The following MOCOS variants were observed in gnomAD, a reference collection of about 807,000 sequenced individuals.
MOCOS encodes molybdenum cofactor sulfurase.
A neutral mutation model predicts 83.6 loss-of-function variants in MOCOS; 86 were observed. That is an observed-to-expected ratio of 1.03 (90% CI 0.86 to 1.23). The LOEUF is 1.23. MOCOS is among the 50% of genes most tolerant of loss of function. The probability of loss-of-function intolerance (pLI) is 0.00; values close to 1 mark genes in which losing one functional copy is unlikely to be tolerated. For missense variants in MOCOS, 1,120 were observed against 1,126.9 expected (o/e 0.99, Z 0.09); for synonymous variants, 445 against 434.7 (o/e 1.02, Z -0.29).
intron 9 of MOCOS, among the ~76,000 whole-genome samples, chr18:36,237,321 T>G (rs2144938997): frequency 6.6e-6 from 1 of 151,854 alleles, no homozygotes; most frequent in Non-Finnish European, 1.5e-5. Context: ...ATACCTAATT[T>G]ATTGAGAGTT....
rs369578900 is a variant in MOCOS, at chr18:36,215,905, G to A, written c.1725G>A (p.Leu575=). 43 of 1,613,796 alleles carry A rather than the reference G, an allele frequency of 2.7e-5. No homozygotes were observed. Among genetic ancestry groups the A allele is most frequent in the Non-Finnish European group, 3.1e-5 (37 of 1,179,822 alleles). ...CTTCAGAGAAAGCTGCAGGAGTCCT[G>A]GAGGGGGCCCTTGGGCCACATGTTG... ...PTPSEKAAGV[L]EGALGPHVVT... The change falls in exon 8 of 15, where the codon CTG becomes CTA. Residue 575 remains leucine, a synonymous_variant. Coordinates refer to ENST00000261326, the MANE Select transcript of MOCOS (RefSeq NM_017947.4).
At chr18:36,189,551 G>A (rs1296820470) in intron 1 of MOCOS, among the ~76,000 whole-genome samples, 3 of 152,208 alleles carry the variant, frequency 2.0e-5, no homozygotes, top group Admixed American at 2.0e-4. Context: ...CTGGTTAAGT[G>A]GTGGCTCAGA....
intron 9 of MOCOS, among the ~76,000 whole-genome samples, chr18:36,244,185 A>T (rs575683232): frequency 3.9e-4 from 56 of 143,698 alleles, no homozygotes; most frequent in Non-Finnish European, 7.4e-4. Context: ...TTTTTTCTTT[A>T]TTCTCTAGTT....
intron 1 of MOCOS, among the ~76,000 whole-genome samples, chr18:36,191,020 C>CAAAAAAAAAAAA (rs113481286): frequency 3.7e-5 from 3 of 81,410 alleles, no homozygotes; most frequent in African/African-American, 8.1e-5. Context: ...CCCTATCTCT[C>CAAAAAAAAAAAA]AAAAAAAAAA....
Position 36,257,469 on chromosome 18 carries a change from C to T in MOCOS, c.2270+396C>T, listed in dbSNP as rs1023227105. 5.3e-5 allele frequency among the ~76,000 whole-genome samples: 8 copies of T among 152,022 alleles called. No individual in the cohort carries two copies. The East Asian group carries it at 1.3e-3, about 26-fold the overall frequency. On this transcript the variant is annotated intron_variant, in intron 12 of 14. Coordinates refer to ENST00000261326, the MANE Select transcript of MOCOS (RefSeq NM_017947.4). ...CTACTTCACACAGTCATTTTAAAGG[C>T]TAAAAAAGAGTGGTTATGAAAGCTT... is the stretch of plus-strand genomic sequence containing the variant.
intron 13 of MOCOS, among the ~76,000 whole-genome samples, chr18:36,266,002 T>C (rs1041889734): frequency 1.3e-5 from 2 of 152,218 alleles, no homozygotes; most frequent in African/African-American, 4.8e-5. Context: ...AGGATAAATC[T>C]TTGTCCATGA....
intron 11 of MOCOS, among the ~76,000 whole-genome samples, chr18:36,256,447 T>C (rs1432308128): frequency 6.6e-6 from 1 of 152,180 alleles, no homozygotes; most frequent in Admixed American, 6.5e-5. Context: ...ATTTTATTTT[T>C]TTAATTTTCT....
rs1406988058 is a variant in MOCOS, at chr18:36,199,576, T to C, written c.300-107T>C. On this transcript the variant is annotated intron_variant, in intron 3 of 14. Transcript: ENST00000261326. ...ATTTCGCAGCTGTGGCAAACCTATC[T>C]ATCCATTAAGGTAGAGATGTCATAG... 3 of 1,559,120 alleles carry C rather than the reference T, an allele frequency of 1.9e-6. No homozygotes were observed. In the Admixed American group the frequency reaches 5.0e-5, roughly 26 times the overall value.
chr18:36,198,761 G>A lies in MOCOS; in HGVS notation c.299+5G>A, dbSNP rs1478621192. ...TGTGGAGCAGGTGCGCTACAGGTAA[G>A]CATCAGGGACACCTGCCTGACTGGG... On this transcript the variant is annotated splice_donor_5th_base_variant and intron_variant, in intron 3 of 14. Coordinates refer to ENST00000261326, the MANE Select transcript of MOCOS (RefSeq NM_017947.4). The A allele has an allele frequency of 1.9e-6, 3 of 1,613,908 alleles. No individual in the cohort carries two copies. Among genetic ancestry groups the A allele is most frequent in the Non-Finnish European group, 2.5e-6 (3 of 1,179,872 alleles).
chr18:36,271,969 A>G lies in MOCOS; in HGVS notation c.*3284A>G, dbSNP rs1287303826. ...AGAGTTTCAGAAACAAAAGAAACAGAACCAACATTTATAGATCTCACTATA... is the reference window on the plus strand; with the variant it reads ...AGAGTTTCAGAAACAAAAGAAACAGGACCAACATTTATAGATCTCACTATA... On this transcript the variant is annotated 3_prime_UTR_variant, in exon 15 of 15. Coordinates refer to ENST00000261326, the MANE Select transcript of MOCOS (RefSeq NM_017947.4). The G allele has an allele frequency of 2.6e-5, 4 of 152,242 alleles. No homozygotes were observed. The highest frequency in any genetic ancestry group is 4.4e-5 in the Non-Finnish European group (3 of 68,060). The allele number at this position is 152,242 out of a possible 1,614,324, so 9.4% of individuals were successfully genotyped here.
chr18:36,242,646 T>C (rs953232072), intron 9 of MOCOS, among the ~76,000 whole-genome samples: 2 of 152,188 alleles, frequency 1.3e-5, no homozygotes, highest in African/African-American at 4.8e-5. Flanking sequence ...CAGTTCCACA[T>C]GGCTGGAGAG....
intron 9 of MOCOS, among the ~76,000 whole-genome samples, chr18:36,236,471 G>A (rs1314133619): frequency 8.7e-5 from 9 of 103,298 alleles, no homozygotes; most frequent in African/African-American, 2.6e-4. Flanking sequence ...TGAGGGCTCT[G>A]TTCTGTTCCA....
At position 36,215,751 on chromosome 18, in the gene MOCOS, T is replaced by C. The variant is rs763842490; in HGVS notation, c.1571T>C (p.Met524Thr). 6.8e-6 allele frequency: 11 copies of C among 1,614,210 alleles called. No individual in the cohort carries two copies. The highest frequency in any genetic ancestry group is 4.5e-5 in the East Asian group (2 of 44,872). ...CAGGCTGATGTTATACCTGCTGTCATGGGCAGACGTAGCCTCTCGCCTCAG... is the reference window on the plus strand; with the variant it reads ...CAGGCTGATGTTATACCTGCTGTCACGGGCAGACGTAGCCTCTCGCCTCAG... Reference protein sequence around the residue: ...DSQADVIPAVMGRRSLSPQED... With the variant: ...DSQADVIPAVTGRRSLSPQED... The change falls in exon 8 of 15, where the codon ATG (methionine) becomes ACG (threonine). Residue 524 changes from methionine (M) to threonine (T), a missense_variant. Coordinates refer to ENST00000261326, the MANE Select transcript of MOCOS (RefSeq NM_017947.4).
chr18:36,208,982 G>A (rs559111000), intron 6 of MOCOS, among the ~76,000 whole-genome samples: 1 of 152,114 alleles, frequency 6.6e-6, no homozygotes, highest in African/African-American at 2.4e-5. Context: ...TTCCTAGTTT[G>A]TTGGGAGTTT....
intron 1 of MOCOS, among the ~76,000 whole-genome samples, chr18:36,192,634 A>T (rs1172984164): frequency 6.6e-6 from 1 of 152,192 alleles, no homozygotes; most frequent in Non-Finnish European, 1.5e-5. Context: ...GTGACTCAGA[A>T]TAGCCAAAGC....
intron 11 of MOCOS, among the ~76,000 whole-genome samples, chr18:36,255,799 G>T (rs1017866905): frequency 1.3e-5 from 2 of 152,012 alleles, no homozygotes. Context: ...GCCTGCCAAA[G>T]GGAGATGGGA....
chr18:36,188,429 G>T (rs1047969441), intron 1 of MOCOS, among the ~76,000 whole-genome samples: 4 of 152,194 alleles, frequency 2.6e-5, no homozygotes, highest in African/African-American at 4.8e-5. Context: ...GCTCCATCTG[G>T]CCTTGGCCGA....
chr18:36,233,421 T>C (rs1433770895), intron 9 of MOCOS, among the ~76,000 whole-genome samples: 1 of 152,230 alleles, frequency 6.6e-6, no homozygotes, highest in Non-Finnish European at 1.5e-5. Flanking sequence ...TCATATTTTC[T>C]TTATCCACGC....
chr18:36,251,453 T>C (rs1233751120), intron 11 of MOCOS, among the ~76,000 whole-genome samples, 170 bp downstream of exon 11: 1 of 152,158 alleles, frequency 6.6e-6, no homozygotes, highest in Non-Finnish European at 1.5e-5. Context: ...GCAGGCGAAA[T>C]GGGCTCCAGG....
Sources: allele counts gnomAD v4.1 joint callset (sites outside exome capture counted in the v4.1 genomes callset), GRCh38; gene constraint gnomAD v4.1.1; transcripts MANE v1.5; gene names NCBI Gene and HGNC (gene_info 2026-07-23, HGNC 2026-07-21).